KATNAL1: variants seen among roughly 807,000 people sequenced by gnomAD.
KATNAL1 encodes katanin p60 ATPase-containing subunit A-like 1.
Under a neutral mutation model 55.2 loss-of-function variants are expected in KATNAL1, and 32 were observed. The observed-to-expected ratio is 0.58, with a 90% confidence interval of 0.44 to 0.78. The LOEUF (loss-of-function observed/expected upper bound fraction) is 0.78, where lower values mean the gene tolerates loss of function less well. Among genes scored for constraint, KATNAL1 ranks in the 30% least tolerant of loss-of-function variants. The pLI is 0.00. For missense variants in KATNAL1, 466 were observed against 600.9 expected, an observed-to-expected ratio of 0.78 and a Z score of 2.35; for synonymous variants, 193 against 193.6, an observed-to-expected ratio of 1.00 and a Z score of 0.02.
chr13:30,257,995 G>A (rs972870262), intron 3 of KATNAL1, among the ~76,000 whole-genome samples: 1 of 152,212 alleles, frequency 6.6e-6, no homozygotes, highest in Non-Finnish European at 1.5e-5. Context: ...TAAGGACTCA[G>A]TGACAGCTTC....
At chr13:30,286,216 C>G (rs977192343) in intron 1 of KATNAL1, among the ~76,000 whole-genome samples, 5 of 152,190 alleles carry the variant, frequency 3.3e-5, no homozygotes, top group Non-Finnish European at 7.3e-5. Context: ...AGCTAATCAC[C>G]AAGACAATGG....
chr13:30,306,889 G>A (rs202082), intron 1 of KATNAL1: 22,990 of 152,326 alleles, frequency 0.15, 2,012 homozygotes, highest in South Asian at 0.25. Context: ...GTGGGGCTGA[G>A]CGCTGCAACT....
chr13:30,269,443 TG>T (rs1394564044), intron 3 of KATNAL1, among the ~76,000 whole-genome samples: 1 of 152,206 alleles, frequency 6.6e-6, no homozygotes, highest in African/African-American at 2.4e-5. Context: ...AACCTCCGCC[TG>T]CCTTGGCCAC....
chr13:30,292,414 A>C (rs1006133682), intron 1 of KATNAL1, among the ~76,000 whole-genome samples: 2 of 151,912 alleles, frequency 1.3e-5, no homozygotes, highest in African/African-American at 4.8e-5. Flanking sequence ...CCCATGGGGC[A>C]ATTTGAAAAG....
chr13:30,286,949 G>A (rs1245267357), intron 1 of KATNAL1, among the ~76,000 whole-genome samples: 3 of 152,170 alleles, frequency 2.0e-5, no homozygotes, highest in Non-Finnish European at 4.4e-5. Flanking sequence ...AGAACTGCAT[G>A]GCCTATATCC....
At chr13:30,277,880 G>A (rs1433191714) in intron 3 of KATNAL1, among the ~76,000 whole-genome samples, 2 of 148,992 alleles carry the variant, frequency 1.3e-5, no homozygotes, top group Non-Finnish European at 3.0e-5. Flanking sequence ...CTACTTGGGA[G>A]GCTGAGGCAG....
At chr13:30,260,032 A>G (rs1431212293) in intron 3 of KATNAL1, among the ~76,000 whole-genome samples, 4 of 152,228 alleles carry the variant, frequency 2.6e-5, no homozygotes, top group African/African-American at 7.2e-5. Flanking sequence ...ATCTGAGAAC[A>G]GGCAGACTGC....
rs144296050 is a variant in KATNAL1 at position 30,294,675 on chromosome 13, T to C, written c.-14-10884A>G. ...TACACTAAACAACAGATTTTCAATG[T>C]AGACAAAATAGCCTTCTATTGGAAA... On this transcript the variant is annotated intron_variant, in intron 1 of 10. Coordinates refer to ENST00000380615, the MANE Select transcript of KATNAL1 (RefSeq NM_032116.5). 5.3e-5 allele frequency among the ~76,000 whole-genome samples: 8 copies of C among 152,338 alleles called. No homozygotes were observed. The East Asian group carries it at 1.5e-3, about 29-fold the overall frequency.
At chr13:30,276,863 T>C (rs1880883407) in intron 3 of KATNAL1, among the ~76,000 whole-genome samples, 1 of 152,204 alleles carries the variant, frequency 6.6e-6, no homozygotes, top group Non-Finnish European at 1.5e-5. Context: ...CTTGTTCAGA[T>C]GACTTTGGAA....
rs915330778 is a variant in KATNAL1, at chr13:30,223,952, T to C, written c.1147+3460A>G. On this transcript the variant is annotated intron_variant, in intron 9 of 10. Coordinates refer to ENST00000380615, the MANE Select transcript of KATNAL1 (RefSeq NM_032116.5). ...GGAGCATTCACCAAGACAGACTATA[T>C]GCTGAATCACAAATCTCAAGAAGTT... Among the ~76,000 whole-genome samples, 3 of 152,212 alleles carry C rather than the reference T, an allele frequency of 2.0e-5. 1 individual carries two copies. Among genetic ancestry groups the C allele is most frequent in the African/African-American group, 7.2e-5 (3 of 41,462 alleles).
chr13:30,206,738 G>A lies in KATNAL1; in HGVS notation c.*1802C>T, dbSNP rs185424447. ...ATCACAAGACTAATGTTTTAGTGAC[G>A]GCTCCTAAAACTTCAGGGAAAAAAA... is the stretch of plus-strand genomic sequence containing the variant. On this transcript the variant is annotated 3_prime_UTR_variant, in exon 11 of 11. Coordinates refer to ENST00000380615, the MANE Select transcript of KATNAL1 (RefSeq NM_032116.5). 4 of 152,070 alleles carry A rather than the reference G, an allele frequency of 2.6e-5. No homozygotes were observed. Among genetic ancestry groups the A allele is most frequent in the East Asian group, 3.9e-4 (2 of 5,182 alleles). The allele number at this position is 152,070 out of a possible 1,614,324, so 9.4% of individuals were successfully genotyped here. A position where few individuals can be genotyped will look rare whatever the true frequency, so the allele number is the denominator to read the frequency against.
At chr13:30,273,441 T>G (rs1880530070) in intron 3 of KATNAL1, among the ~76,000 whole-genome samples, 1 of 152,230 alleles carries the variant, frequency 6.6e-6, no homozygotes, top group Non-Finnish European at 1.5e-5. Context: ...TTAGAATCTT[T>G]AAGCCTCAGT....
chr13:30,279,693 A>G (rs189513380), intron 3 of KATNAL1, among the ~76,000 whole-genome samples: 15 of 152,262 alleles, frequency 9.9e-5, no homozygotes, highest in African/African-American at 3.4e-4. Flanking sequence ...CAACTAGGAA[A>G]ATTCAATTTC....
Position 30,232,047 on chromosome 13 carries a change from A to C in KATNAL1, c.727-575T>G, listed in dbSNP as rs187976423. ...CATTTTAATGCGTTAGCTTATATAA[A>C]ATAGTAATAGTGATGAAAGAACCAG... On this transcript the variant is annotated intron_variant, in intron 6 of 10. Transcript: ENST00000380615. Among the ~76,000 whole-genome samples, 185 of 152,320 alleles carry C rather than the reference A, an allele frequency of 1.2e-3. 1 individual carries two copies. Among genetic ancestry groups the C allele is most frequent in the Middle Eastern group, 3.4e-3 (1 of 294 alleles).
intron 1 of KATNAL1, among the ~76,000 whole-genome samples, chr13:30,303,072 T>C (rs935173213): frequency 6.6e-6 from 1 of 152,170 alleles, no homozygotes; most frequent in Admixed American, 6.5e-5. Context: ...AAACCAAAGC[T>C]CACTTTTTAA....
intron 4 of KATNAL1, among the ~76,000 whole-genome samples, chr13:30,247,930 T>G (rs961836251): frequency 1.3e-5 from 2 of 152,090 alleles, no homozygotes; most frequent in Non-Finnish European, 2.9e-5. Context: ...TGAGAGAGGA[T>G]AAGAAAAAAC....
chr13:30,217,051 G>A (rs573941218), intron 9 of KATNAL1, among the ~76,000 whole-genome samples: 14 of 150,476 alleles, frequency 9.3e-5, no homozygotes, highest in South Asian at 2.1e-4. Context: ...AGCATATTCT[G>A]TTTCCCTAGT....
At chr13:30,217,450 T>A (rs1874405418) in intron 9 of KATNAL1, among the ~76,000 whole-genome samples, 1 of 152,134 alleles carries the variant, frequency 6.6e-6, no homozygotes, top group Non-Finnish European at 1.5e-5. Flanking sequence ...CAAGACTCCA[T>A]CTCAAACAAA....
intron 4 of KATNAL1, among the ~76,000 whole-genome samples, chr13:30,248,936 G>GT (rs1169212428): frequency 6.6e-6 from 1 of 152,168 alleles, no homozygotes. Flanking sequence ...GTGGGCACCT[G>GT]TATTCCCAGC....
Sources: allele counts gnomAD v4.1 joint callset (sites outside exome capture counted in the v4.1 genomes callset), GRCh38; gene constraint gnomAD v4.1.1; transcripts MANE v1.5; gene names NCBI Gene and HGNC (gene_info 2026-07-23, HGNC 2026-07-21).